Variants in DOP1A observed in about 807,000 individuals in gnomAD.
DOP1A encodes protein DOP1A.
In DOP1A, 90 loss-of-function variants were observed where a neutral mutation model predicts 267.6. The ratio of observed to expected loss-of-function variants is 0.34; its 90% CI spans 0.28 to 0.40. The LOEUF is 0.40. Ranked by LOEUF, DOP1A falls within the 10% of genes least tolerant of loss-of-function variation. DOP1A has a pLI of 1.00. For missense variants in DOP1A, 2,437 were observed against 2,900.4 expected (o/e 0.84, Z 3.67); for synonymous variants, 932 against 999.1 (o/e 0.93, Z 1.27).
intron 38 of DOP1A, chr6:83,165,368 A>G (rs1479637545): frequency 6.6e-6 from 1 of 152,448 alleles, no homozygotes; most frequent in African/African-American, 2.4e-5. Flanking sequence ...GAGATGATGA[A>G]GTAGGTGATC....
chr6:83,141,819 A>G (rs139793470), intron 23 of DOP1A, 102 bp from the exon 24 acceptor site: 302 of 1,178,482 alleles, frequency 2.6e-4, no homozygotes, highest in Middle Eastern at 1.6e-3. Context: ...AGTAAAACCT[A>G]TAAGTACTAT....
chr6:83,111,564 C>T (rs1167382758), intron 6 of DOP1A, among the ~76,000 whole-genome samples: 1 of 151,914 alleles, frequency 6.6e-6, no homozygotes, highest in African/African-American at 2.4e-5. Flanking sequence ...TATTATAGTC[C>T]TCCCAGTGGG....
chr6:83,140,372 C>A lies in DOP1A; in HGVS notation c.5384C>A (p.Ser1795Tyr). ...SEKMTIAASA[S>Y]LTTINLGATK... ...AAGATGACTATTGCCGCATCCGCAT[C>A]TCTTACCACTATTAATCTTGGAGCT... Residue 1795 changes from serine (S) to tyrosine (Y), a missense_variant, in exon 23 of 39, where the codon TCT becomes TAT. Ser to Tyr is a moderately radical substitution (Grantham distance 144). Around this residue, in one of 9 missense-constraint regions of DOP1A, gnomAD observed 307 missense variants for 308.6 expected, o/e 0.99. Transcript: ENST00000349129. 1.9e-6 allele frequency: 3 copies of A among 1,611,262 alleles called. No homozygotes were observed. Among genetic ancestry groups the A allele is most frequent in the South Asian group, 1.1e-5 (1 of 90,714 alleles).
Position 83,130,165 on chromosome 6 carries a change from T to G in DOP1A, c.2384T>G (p.Met795Arg). The stretch of plus-strand genomic sequence containing the variant: ...CCTCCACAGTGGCTCCAGACTCTGA[T>G]GAATGCTTGCAGCCAAGCAAGTGAT... ...VQPPQWLQTL[M>R]NACSQASDFS... The change falls in exon 17 of 39, where the codon ATG becomes AGG. Residue 795 changes from methionine (M) to arginine (R), a missense_variant. Coordinates refer to ENST00000349129, the MANE Select transcript of DOP1A (RefSeq NM_015018.4). 1 of 1,614,102 alleles carries G rather than the reference T, an allele frequency of 6.2e-7. No individual in the cohort carries two copies. The highest frequency in any genetic ancestry group is 1.3e-5 in the African/African-American group (1 of 75,048).
chr6:83,106,904 G>T (rs564238665), intron 4 of DOP1A, among the ~76,000 whole-genome samples: 1 of 152,180 alleles, frequency 6.6e-6, no homozygotes, highest in Admixed American at 6.5e-5. Flanking sequence ...AGAATGCTCT[G>T]GTTAATAGTA....
At chr6:83,122,589 A>T (rs1776540247) in intron 11 of DOP1A, among the ~76,000 whole-genome samples, 1 of 152,004 alleles carries the variant, frequency 6.6e-6, no homozygotes, top group African/African-American at 2.4e-5. Context: ...TAGTTCAAAA[A>T]GAAATTCTTG....
intron 24 of DOP1A, among the ~76,000 whole-genome samples, chr6:83,143,718 C>T (rs115795877): frequency 0.012 from 1,831 of 151,806 alleles, 43 homozygotes; most frequent in African/African-American, 0.041. Flanking sequence ...TTTAAAGATA[C>T]GGAAAATACG....
chr6:83,167,711 C>T, intron 38 of DOP1A, 151 bp from the exon 39 acceptor site: 1 of 1,403,366 alleles, frequency 7.1e-7, no homozygotes, highest in Non-Finnish European at 9.2e-7. Context: ...GTCTCAGAAG[C>T]ACCAAGGGTT....
chr6:83,125,431 A>G, intron 14 of DOP1A, 69 bp from the exon 15 acceptor site: 3 of 1,408,032 alleles, frequency 2.1e-6, no homozygotes, highest in South Asian at 2.5e-5. Context: ...GCCTATTTAT[A>G]TAGATTAAAA....
At chr6:83,076,034 AG>A (rs1380509368) in intron 1 of DOP1A, among the ~76,000 whole-genome samples, 1 of 152,210 alleles carries the variant, frequency 6.6e-6, no homozygotes, top group African/African-American at 2.4e-5. Context: ...AGTACAAGAG[AG>A]TGAAAAAGCA....
At chr6:83,131,383 C>T (rs1047683670) in intron 17 of DOP1A, among the ~76,000 whole-genome samples, 1 of 152,086 alleles carries the variant, frequency 6.6e-6, no homozygotes, top group African/African-American at 2.4e-5. Flanking sequence ...TATTATTACT[C>T]ATTGCATTAT....
At position 83,148,738 on chromosome 6, in the gene DOP1A, AT is replaced by A. The variant is rs745654788; in HGVS notation, c.5733-20del. ...AACCATAGTTTATTGTGGCTTTTGT[AT>A]AAACTATATTATCTTGCAGAATTCC... On this transcript the variant is annotated intron_variant, in intron 26 of 38. Transcript: ENST00000349129. The A allele has an allele frequency of 1.4e-6, 2 of 1,479,672 alleles. No homozygotes were observed. The highest frequency in any genetic ancestry group is 1.8e-6 in the Non-Finnish European group (2 of 1,103,694). 91.7% of individuals were successfully genotyped at this position (1,479,672 alleles called of 1,614,324 possible).
At chr6:83,083,702 A>G (rs547413090) in intron 1 of DOP1A, among the ~76,000 whole-genome samples, 3 of 152,320 alleles carry the variant, frequency 2.0e-5, no homozygotes, top group East Asian at 3.9e-4. Flanking sequence ...TACGTGGACA[A>G]TGTTTATTTG....
At chr6:83,147,961 G>A (rs151290382) in intron 26 of DOP1A, among the ~76,000 whole-genome samples, 117 of 152,228 alleles carry the variant, frequency 7.7e-4, no homozygotes, top group African/African-American at 2.6e-3. Context: ...AGGTAGAGAC[G>A]TACAAGGTGA....
rs1459337237 is a variant in DOP1A, at chr6:83,113,044, ATATG to A, written c.682-278_682-275del. Among the ~76,000 whole-genome samples the A allele has an allele frequency of 4.6e-3, 707 of 152,268 alleles. 6 individuals carry two copies. Among genetic ancestry groups the A allele is most frequent in the African/African-American group, 0.015 (627 of 41,560 alleles). On this transcript the variant is annotated intron_variant, in intron 6 of 38. Transcript: ENST00000349129. ...AAAGGCAGGTTTGGAATATATATATATATGGTGTTTTTCTTGTATTTACAGGAAA... is the reference window on the plus strand; with the variant it reads ...AAAGGCAGGTTTGGAATATATATATAGTGTTTTTCTTGTATTTACAGGAAA...
intron 25 of DOP1A, among the ~76,000 whole-genome samples, chr6:83,145,991 T>A (rs1780583429): frequency 6.6e-6 from 1 of 152,214 alleles, no homozygotes; most frequent in Non-Finnish European, 1.5e-5. Flanking sequence ...TTCTCTCAGT[T>A]GTTGCCATTT....
At chr6:83,132,736 G>A (rs1583050454) in intron 18 of DOP1A, among the ~76,000 whole-genome samples, 1 of 152,084 alleles carries the variant, frequency 6.6e-6, no homozygotes, top group East Asian at 1.9e-4. Flanking sequence ...ATAAGCCATA[G>A]AATGCTAATA....
At chr6:83,110,068 T>G in intron 5 of DOP1A, 57 bp from the exon 6 acceptor site, 2 of 1,480,238 alleles carry the variant, frequency 1.4e-6, no homozygotes, top group South Asian at 3.0e-5. Flanking sequence ...AATGATTTAT[T>G]TTTTAAAATA....
intron 36 of DOP1A, among the ~76,000 whole-genome samples, chr6:83,158,931 T>C (rs533729222): frequency 7.4e-4 from 112 of 152,298 alleles, no homozygotes; most frequent in African/African-American, 2.6e-3. Context: ...TTGCAACATA[T>C]AGCCAACCCT....
Sources: allele counts gnomAD v4.1 joint callset (sites outside exome capture counted in the v4.1 genomes callset), GRCh38; gene constraint gnomAD v4.1.1; regional missense constraint gnomAD v4.1.1; transcripts MANE v1.5; gene names NCBI Gene and HGNC (gene_info 2026-07-23, HGNC 2026-07-21).